Variants in ETV6 observed in about 807,000 individuals in gnomAD.
ETV6 encodes ETS variant transcription factor 6, also known as transcription factor ETV6.
In ETV6, 16 loss-of-function variants were observed where a neutral mutation model predicts 51.1. That is an observed-to-expected ratio of 0.31 (90% CI 0.21 to 0.48). The LOEUF is 0.48. Ranked by LOEUF, ETV6 falls within the 20% of genes least tolerant of loss-of-function variation. The probability of loss-of-function intolerance (pLI) is 0.99; values close to 1 mark genes in which losing one functional copy is unlikely to be tolerated. For synonymous variants in ETV6, 240 were observed against 224.1 expected, an observed-to-expected ratio of 1.07 and a Z score of -0.64; for missense variants, 458 against 594.8, an observed-to-expected ratio of 0.77 and a Z score of 2.39.
intron 2 of ETV6, among the ~76,000 whole-genome samples, chr12:11,820,992 C>A (rs1331569200): frequency 6.6e-6 from 1 of 151,984 alleles, no homozygotes; most frequent in East Asian, 1.9e-4. Flanking sequence ...GCAGAGGTGG[C>A]GGAAGTGGGC....
intron 1 of ETV6, among the ~76,000 whole-genome samples, chr12:11,746,460 C>T (rs940921299): frequency 1.3e-5 from 2 of 152,192 alleles, no homozygotes; most frequent in Admixed American, 6.5e-5. Flanking sequence ...ACCACATGCT[C>T]ACTTAATGCT....
chr12:11,823,798 C>T (rs1356508405), intron 2 of ETV6, among the ~76,000 whole-genome samples: 1 of 152,130 alleles, frequency 6.6e-6, no homozygotes, highest in East Asian at 1.9e-4. Flanking sequence ...TTCATCTTCA[C>T]TAGAATCGTT....
intron 1 of ETV6, among the ~76,000 whole-genome samples, chr12:11,675,054 C>G (rs1250277524): frequency 6.6e-6 from 1 of 152,224 alleles, no homozygotes; most frequent in Non-Finnish European, 1.5e-5. Flanking sequence ...TTTTTGCACG[C>G]ATATGTCTGT....
intron 1 of ETV6, among the ~76,000 whole-genome samples, chr12:11,739,799 T>G (rs1046505735): frequency 6.6e-6 from 1 of 152,224 alleles, no homozygotes; most frequent in South Asian, 2.1e-4. Context: ...CCAGAAAATG[T>G]TAAATTACCT....
chr12:11,740,181 C>T (rs779562615), intron 1 of ETV6, among the ~76,000 whole-genome samples: 9 of 152,258 alleles, frequency 5.9e-5, no homozygotes, highest in East Asian at 1.9e-4. Flanking sequence ...CAGAAATCTC[C>T]GTAATCGTCA....
intron 3 of ETV6, among the ~76,000 whole-genome samples, chr12:11,852,845 G>A (rs890561110): frequency 6.6e-6 from 1 of 152,156 alleles, no homozygotes; most frequent in African/African-American, 2.4e-5. Context: ...TAGTGATGAT[G>A]GGATTCTAGG....
intron 2 of ETV6, among the ~76,000 whole-genome samples, chr12:11,815,321 T>C (rs896509960): frequency 6.6e-6 from 1 of 152,154 alleles, no homozygotes; most frequent in Non-Finnish European, 1.5e-5. Context: ...AACACAAGGT[T>C]CTAATTCCTT....
chr12:11,713,122 G>C (rs1163746444), intron 1 of ETV6, among the ~76,000 whole-genome samples: 1 of 152,156 alleles, frequency 6.6e-6, no homozygotes, highest in African/African-American at 2.4e-5. Context: ...TGCCAGTCAG[G>C]ATAGAGGTGG....
chr12:11,723,936 G>A (rs764534727), intron 1 of ETV6, among the ~76,000 whole-genome samples: 15 of 146,862 alleles, frequency 1.0e-4, no homozygotes, highest in Non-Finnish European at 2.1e-4. Flanking sequence ...TGGGAGGGCC[G>A]GACCTACACT....
At chr12:11,702,977 A>G (rs887640243) in intron 1 of ETV6, among the ~76,000 whole-genome samples, 3 of 152,188 alleles carry the variant, frequency 2.0e-5, no homozygotes, top group Non-Finnish European at 4.4e-5. Flanking sequence ...GTGGTGGCAC[A>G]TGCCTGTAGT....
chr12:11,857,914 G>A (rs1243552252), intron 4 of ETV6, among the ~76,000 whole-genome samples: 1 of 152,184 alleles, frequency 6.6e-6, no homozygotes, highest in African/African-American at 2.4e-5. Flanking sequence ...GTCTTCCTGG[G>A]TGATATGAAG....
intron 2 of ETV6, among the ~76,000 whole-genome samples, chr12:11,769,805 C>T (rs114854055): frequency 2.6e-5 from 4 of 152,262 alleles, no homozygotes; most frequent in Admixed American, 6.5e-5. Flanking sequence ...TTATTTACTT[C>T]GTTTGGAAGT....
rs569117796 is a variant in ETV6, at chr12:11,674,790, C to T, written c.33+24630C>T. 1.1e-3 allele frequency among the ~76,000 whole-genome samples: 173 copies of T among 152,076 alleles called. 1 individual carries two copies. Among genetic ancestry groups the T allele is most frequent in the Non-Finnish European group, 2.1e-3 (146 of 67,974 alleles). ...TGATGTGAGAAGGGGCAGGGAGAGA[C>T]CTCTCTGGCTGCCACTCTCTCACTG... On this transcript the variant is annotated intron_variant, in intron 1 of 7. Transcript: ENST00000396373.
intron 4 of ETV6, among the ~76,000 whole-genome samples, chr12:11,854,258 G>A (rs1018596805): frequency 6.6e-6 from 1 of 151,996 alleles, no homozygotes; most frequent in Non-Finnish European, 1.5e-5. Context: ...CAGGACGTGG[G>A]ACTCAGGCGG....
intron 1 of ETV6, among the ~76,000 whole-genome samples, chr12:11,689,235 A>G (rs932265425): frequency 5.9e-5 from 9 of 152,104 alleles, no homozygotes; most frequent in African/African-American, 2.2e-4. Context: ...AGGGAGTACC[A>G]TAATACAATT....
intron 7 of ETV6, among the ~76,000 whole-genome samples, chr12:11,890,175 T>C (rs1339729138): frequency 6.7e-6 from 1 of 149,266 alleles, no homozygotes; most frequent in African/African-American, 2.5e-5. Flanking sequence ...CTCCACTAAG[T>C]TGTCCTATTG....
chr12:11,685,083 G>A (rs1191011371), intron 1 of ETV6, among the ~76,000 whole-genome samples: 1 of 152,164 alleles, frequency 6.6e-6, no homozygotes, highest in Non-Finnish European at 1.5e-5. Context: ...AGTGTCCTAA[G>A]TGGAGGGATT....
chr12:11,760,906 GTGTA>G (rs1234926108), intron 2 of ETV6, among the ~76,000 whole-genome samples: 5 of 150,448 alleles, frequency 3.3e-5, no homozygotes, highest in African/African-American at 1.2e-4. Context: ...GTGTGTGTGT[GTGTA>G]TATAAAAGTA....
chr12:11,747,269 G>A (rs2121044682), intron 1 of ETV6, among the ~76,000 whole-genome samples: 1 of 152,264 alleles, frequency 6.6e-6, no homozygotes, highest in Admixed American at 6.5e-5. Context: ...AACACCATTT[G>A]GCTTGTAAAA....
Sources: gnomAD v4.1 joint callset for allele counts (sites outside exome capture counted in the v4.1 genomes callset) on GRCh38, gnomAD v4.1.1 for gene constraint, MANE v1.5 for transcripts, NCBI Gene and HGNC (gene_info 2026-07-23, HGNC 2026-07-21) for gene names.